Variants in NBN observed in about 807,000 individuals in gnomAD.
The protein encoded by NBN is nibrin.
Under a neutral mutation model 90.8 loss-of-function variants are expected in NBN, and 88 were observed. The observed-to-expected ratio is 0.97, with a 90% CI of 0.82 to 1.16. The LOEUF is 1.16. Ranked by LOEUF, NBN falls within the 50% of genes most tolerant of loss-of-function variation. The pLI, the probability that NBN is intolerant of heterozygous loss-of-function variation, is 0.00. For synonymous variants in NBN, 328 were observed against 295.1 expected (o/e 1.11, Z -1.14); for missense variants, 894 against 869.6 (o/e 1.03, Z -0.35).
In NBN at chr8:89,955,405, T is replaced by A. The variant is rs916556331; in HGVS notation, c.1275A>T (p.Arg425Ser). 6.2e-7 allele frequency: 1 copy of A among 1,613,904 alleles called. No homozygotes were observed. ...SMVSNTLAKMRIPNYQLSPTK... is the reference protein window; with the variant it reads ...SMVSNTLAKMSIPNYQLSPTK... ...TTGGTGAAAGCTGATAGTTTGGGATTCTCATCTTAGCCAAAGTATTTGATA... is the reference window on the plus strand; with the variant it reads ...TTGGTGAAAGCTGATAGTTTGGGATACTCATCTTAGCCAAAGTATTTGATA... The change falls in exon 10 of 16, where the codon AGA becomes AGT. Residue 425 changes from arginine to serine, a missense_variant. Coordinates refer to ENST00000265433, the MANE Select transcript of NBN (RefSeq NM_002485.5).
intron 9 of NBN, among the ~76,000 whole-genome samples, chr8:89,956,610 T>C (rs990590299): frequency 6.6e-6 from 1 of 152,184 alleles, no homozygotes; most frequent in African/African-American, 2.4e-5. Context: ...TACAAATATA[T>C]GTATTTCAAA....
chr8:89,980,648 A>C (rs1292849248), intron 4 of NBN, 86 bp downstream of exon 4: 1 of 1,130,776 alleles, frequency 8.8e-7, no homozygotes, highest in African/African-American at 1.6e-5. Context: ...ATAGTTTTAA[A>C]GTAATTAAAA....
intron 13 of NBN, among the ~76,000 whole-genome samples, chr8:89,945,234 T>G (rs1445970812): frequency 1.3e-5 from 2 of 152,182 alleles, no homozygotes; most frequent in African/African-American, 4.8e-5. Flanking sequence ...GTGCTATTCA[T>G]GAGCCTCAGA....
At chr8:89,962,810 C>T (rs1714369649) in intron 8 of NBN, among the ~76,000 whole-genome samples, 1 of 152,118 alleles carries the variant, frequency 6.6e-6, no homozygotes, top group Non-Finnish European at 1.5e-5. Flanking sequence ...AAAATACTAG[C>T]CTGTCAAATT....
At chr8:89,945,476 T>G (rs772359299) in intron 13 of NBN, among the ~76,000 whole-genome samples, 5 of 152,170 alleles carry the variant, frequency 3.3e-5, no homozygotes, top group Admixed American at 1.3e-4. Context: ...GGCAAGATCA[T>G]GTTATAGAGG....
intron 8 of NBN, among the ~76,000 whole-genome samples, chr8:89,963,355 C>T (rs1811087859): frequency 6.6e-6 from 1 of 152,158 alleles, no homozygotes; most frequent in Admixed American, 6.5e-5. Flanking sequence ...TGTTCTCTAA[C>T]TTGTCTCTTT....
In NBN at chr8:89,980,982, A is replaced by T. The variant is rs1805843; in HGVS notation, c.321-89T>A. ...TACTTTAAAACTTTAAGCTCACATC[A>T]TATACTGTTATTGTAACTTTTATTT... is the stretch of plus-strand genomic sequence containing the variant. On this transcript the variant is annotated intron_variant, in intron 3 of 15. Transcript: ENST00000265433. 5,542 of 1,083,868 alleles carry T rather than the reference A, an allele frequency of 5.1e-3. 161 individuals carry two copies. In the African/African-American group the frequency reaches 0.071, roughly 14 times the overall value. The allele number at this position is 1,083,868 out of a possible 1,614,324, so 67.1% of individuals were successfully genotyped here.
At chr8:89,965,811 T>G (rs764346969) in intron 7 of NBN, among the ~76,000 whole-genome samples, 1 of 152,140 alleles carries the variant, frequency 6.6e-6, no homozygotes, top group Non-Finnish European at 1.5e-5. Flanking sequence ...AATGGTTAGT[T>G]CGTAAGGTCT....
intron 7 of NBN, among the ~76,000 whole-genome samples, chr8:89,967,634 A>C (rs1811316872): frequency 6.6e-6 from 1 of 152,214 alleles, no homozygotes. Context: ...TTAAATTAAT[A>C]ACAGGAAGAG....
chr8:89,980,226 C>A (rs1811992245), intron 4 of NBN, among the ~76,000 whole-genome samples: 1 of 152,084 alleles, frequency 6.6e-6, no homozygotes, highest in South Asian at 2.1e-4. Flanking sequence ...ATATTAAATA[C>A]TAAAGGATTT....
chr8:89,972,267 T>C (rs941062079), intron 5 of NBN, among the ~76,000 whole-genome samples: 4 of 152,242 alleles, frequency 2.6e-5, no homozygotes, highest in African/African-American at 9.6e-5. Flanking sequence ...TAAGTTATGA[T>C]TGAAGAGTTA....
intron 8 of NBN, among the ~76,000 whole-genome samples, chr8:89,961,407 T>C (rs1264583825): frequency 2.0e-5 from 3 of 152,180 alleles, no homozygotes; most frequent in Admixed American, 2.0e-4. Flanking sequence ...TGGAAACAAC[T>C]GGTTATATCC....
chr8:89,947,135 T>C lies in NBN; in HGVS notation c.1914+689A>G, dbSNP rs13312944. 1.4e-4 allele frequency among the ~76,000 whole-genome samples: 21 copies of C among 152,282 alleles called. No individual in the cohort carries two copies. The East Asian group carries it at 3.5e-3, about 25-fold the overall frequency. ...ACATTATTAAGAACAGCCTAAACTT[T>C]TAGAGTTTACAAATATTTCCCATCC... is the stretch of plus-strand genomic sequence containing the variant. On this transcript the variant is annotated intron_variant, in intron 12 of 15. Transcript: ENST00000265433.
chr8:89,945,996 C>T lies in NBN; in HGVS notation c.2070+144G>A, dbSNP rs1414188807. The T allele has an allele frequency of 1.3e-5, 8 of 625,474 alleles. No individual in the cohort carries two copies. In the South Asian group the frequency reaches 1.6e-4, roughly 12 times the overall value. The allele number at this position is 625,474 out of a possible 1,614,324, so 38.7% of individuals were successfully genotyped here. On this transcript the variant is annotated intron_variant, in intron 13 of 15. Transcript: ENST00000265433. The stretch of plus-strand genomic sequence containing the variant: ...TATTCATTAACTGTAAGTTCATATC[C>T]TTCCTAGAGGAATTTTTTAAAGCAT...
At chr8:89,975,529 T>A (rs957430040) in intron 5 of NBN, among the ~76,000 whole-genome samples, 7 of 152,208 alleles carry the variant, frequency 4.6e-5, no homozygotes, top group Non-Finnish European at 1.0e-4. Context: ...ATTTAAAAAT[T>A]GTATTATCAA....
At chr8:89,971,562 A>G (rs1811520104) in intron 5 of NBN, among the ~76,000 whole-genome samples, 1 of 152,238 alleles carries the variant, frequency 6.6e-6, no homozygotes, top group Admixed American at 6.5e-5. Context: ...TAACAGGATG[A>G]ACATTAAACA....
In NBN at chr8:89,964,358, C is replaced by T. The variant is rs1811138047; in HGVS notation, c.994+52G>A. 1.1e-5 allele frequency: 17 copies of T among 1,594,044 alleles called. No individual in the cohort carries two copies. The South Asian group carries it at 1.3e-4, about 12-fold the overall frequency. ...TATGAGTAACGTATATTTAGCTTATCGATTTACATAATAAAGTTGCTAACG... is the reference window on the plus strand; with the variant it reads ...TATGAGTAACGTATATTTAGCTTATTGATTTACATAATAAAGTTGCTAACG... On this transcript the variant is annotated intron_variant, in intron 8 of 15. Coordinates refer to ENST00000265433, the MANE Select transcript of NBN (RefSeq NM_002485.5).
chr8:89,949,014 T>C (rs2129668567), intron 11 of NBN, among the ~76,000 whole-genome samples: 2 of 152,338 alleles, frequency 1.3e-5, no homozygotes, highest in East Asian at 3.9e-4. Context: ...TCTATTTATT[T>C]CCCATATAAG....
Position 89,942,693 on chromosome 8 carries a change from G to A in NBN, c.2184+560C>T, listed in dbSNP as rs549915405. On this transcript the variant is annotated intron_variant, in intron 14 of 15. Transcript: ENST00000265433. ...GAGTTGAAGACAGTAGTAGTAAATCGGAAGATGATCTGCAGCAGTTGCCAA... is the reference window on the plus strand; with the variant it reads ...GAGTTGAAGACAGTAGTAGTAAATCAGAAGATGATCTGCAGCAGTTGCCAA... 7.9e-5 allele frequency among the ~76,000 whole-genome samples: 12 copies of A among 152,228 alleles called. No individual in the cohort carries two copies. The South Asian group carries it at 1.9e-3, about 24-fold the overall frequency.
Sources: allele counts gnomAD v4.1 joint callset (sites outside exome capture counted in the v4.1 genomes callset), GRCh38; gene constraint gnomAD v4.1.1; transcripts MANE v1.5; gene names NCBI Gene and HGNC (gene_info 2026-07-23, HGNC 2026-07-21).